Variants in CANX observed in about 807,000 individuals in gnomAD.
CANX encodes epididymis secretory sperm binding protein.
Under a neutral mutation model 75.7 loss-of-function variants are expected in CANX, and 14 were observed. That is an observed-to-expected ratio of 0.19 (90% CI 0.12 to 0.29). The LOEUF is 0.29. Ranked by LOEUF, CANX falls within the 10% of genes least tolerant of loss-of-function variation. The pLI is 1.00. For synonymous variants in CANX, 227 were observed against 236.9 expected (o/e 0.96, Z 0.38); for missense variants, 567 against 713.2 (o/e 0.79, Z 2.34).
intron 1 of CANX, chr5:179,678,908 C>G: frequency 6.5e-7 from 1 of 1,534,998 alleles, no homozygotes; most frequent in Non-Finnish European, 8.7e-7. Flanking sequence ...CCGCCCGCCG[C>G]GGAACACGAA....
chr5:179,712,188 G>A (rs887575140), intron 7 of CANX, among the ~76,000 whole-genome samples: 4 of 149,966 alleles, frequency 2.7e-5, no homozygotes, highest in Non-Finnish European at 5.9e-5. Flanking sequence ...TTGTTGTTGA[G>A]AAATGTTGAA....
Position 179,731,415 on chromosome 5 carries a change from C to T in CANX, c.*2771C>T, listed in dbSNP as rs1443479118. ...AGTATGTACACAGAATGTAGTGCTC[C>T]TAGTTACTATTTTTTCTATTAAGAA... On this transcript the variant is annotated 3_prime_UTR_variant, in exon 15 of 15. Transcript: ENST00000247461. Among the ~76,000 whole-genome samples the T allele has an allele frequency of 6.6e-6, 1 of 151,332 alleles. No homozygotes were observed. The highest frequency in any genetic ancestry group is 2.4e-5 in the African/African-American group (1 of 41,184).
At chr5:179,680,489 T>C (rs1458189677) in intron 1 of CANX, among the ~76,000 whole-genome samples, 2 of 152,118 alleles carry the variant, frequency 1.3e-5, no homozygotes, top group Non-Finnish European at 2.9e-5. Context: ...GACAGATGCG[T>C]GTATAGACCA....
intron 1 of CANX, chr5:179,679,227 C>T (rs1268285344): frequency 1.6e-5 from 24 of 1,532,768 alleles, no homozygotes; most frequent in South Asian, 3.6e-5. Flanking sequence ...CTCGGGAGCC[C>T]GGATGTCCAG....
chr5:179,692,530 A>G (rs1776316137), intron 1 of CANX, among the ~76,000 whole-genome samples: 1 of 151,372 alleles, frequency 6.6e-6, no homozygotes. Context: ...CTGTCTAATT[A>G]TTTTATTTTT....
intron 14 of CANX, 122 bp downstream of exon 14, chr5:179,726,881 T>G: frequency 1.5e-6 from 1 of 661,492 alleles, no homozygotes; most frequent in Non-Finnish European, 2.7e-6. Flanking sequence ...AAAGCCAATT[T>G]TGTTGAAGTG....
rs1204735500 is a variant in CANX at position 179,679,226 on chromosome 5, C to T, written c.-4+449C>T. 6 of 1,533,102 alleles carry T rather than the reference C, an allele frequency of 3.9e-6. No individual in the cohort carries two copies. The highest frequency in any genetic ancestry group is 5.2e-6 in the Non-Finnish European group (6 of 1,146,248). 95.0% of individuals were successfully genotyped at this position (1,533,102 alleles called of 1,614,324 possible). ...CGTGCTGCGCTCTTGTCTCGGGAGC[C>T]CGGATGTCCAGAATGATGAAGGCGA... is the stretch of plus-strand genomic sequence containing the variant. On this transcript the variant is annotated intron_variant, in intron 1 of 14. Coordinates refer to the CANX transcript ENST00000681674.
At chr5:179,712,436 G>C (rs77671133) in intron 7 of CANX, among the ~76,000 whole-genome samples, 1 of 143,780 alleles carries the variant, frequency 7.0e-6, no homozygotes, top group African/African-American at 2.6e-5. Flanking sequence ...TTTTTTTTTT[G>C]AGATGGAGTT....
In CANX at chr5:179,699,026, C is replaced by T. The variant is rs1014797163; in HGVS notation, c.-80C>T. The T allele has an allele frequency of 1.8e-6, 2 of 1,111,382 alleles. No individual in the cohort carries two copies. Among genetic ancestry groups the T allele is most frequent in the Non-Finnish European group, 2.2e-6 (2 of 903,702 alleles). The allele number at this position is 1,111,382 out of a possible 1,614,324, so 68.8% of individuals were successfully genotyped here. A position where few individuals can be genotyped will look rare whatever the true frequency, so the allele number is the denominator to read the frequency against. On this transcript the variant is annotated 5_prime_UTR_variant, in exon 1 of 15. Coordinates refer to ENST00000247461, the MANE Select transcript of CANX (RefSeq NM_001746.4). ...TGACGGTCGGGCCGCCTCCGCCTCTCTCTTTACTGCGGCGCGGGGCAAGGT... is the reference window on the plus strand; with the variant it reads ...TGACGGTCGGGCCGCCTCCGCCTCTTTCTTTACTGCGGCGCGGGGCAAGGT...
chr5:179,714,046 T>C (rs1325228728), intron 7 of CANX, among the ~76,000 whole-genome samples: 2 of 152,162 alleles, frequency 1.3e-5, no homozygotes, highest in African/African-American at 4.8e-5. Flanking sequence ...TTGCCCAGGC[T>C]GGAGTGCAGT....
chr5:179,689,973 C>A (rs1776272150), intron 1 of CANX, among the ~76,000 whole-genome samples: 1 of 152,102 alleles, frequency 6.6e-6, no homozygotes, highest in African/African-American at 2.4e-5. Flanking sequence ...GGGTGTGCTA[C>A]CGGGTCCCAA....
At position 179,723,749 on chromosome 5, in the gene CANX, C is replaced by G; in HGVS notation, c.1488C>G (p.Phe496Leu). The G allele has an allele frequency of 6.2e-7, 1 of 1,612,772 alleles. No individual in the cohort carries two copies. The change falls in exon 12 of 15, where the codon TTC becomes TTG. Residue 496 changes from phenylalanine to leucine, a missense_variant. Physicochemically the swap from Phe to Leu is conservative, Grantham distance 22. This residue lies in a region of CANX where 167 missense variants were observed against 179.3 expected (regional missense o/e 0.93). Transcript: ENST00000247461. ...VYILTVALPV[F>L]LVILFCCSGK... ...TTCTAACTGTAGCCCTTCCTGTGTTCCTGGTTATCCTCTTCTGCTGTTCTG... is the reference window on the plus strand; with the variant it reads ...TTCTAACTGTAGCCCTTCCTGTGTTGCTGGTTATCCTCTTCTGCTGTTCTG...
upstream of CANX, chr5:179,698,938 C>A (rs961908722): frequency 7.1e-6 from 8 of 1,131,184 alleles, no homozygotes; most frequent in Non-Finnish European, 7.7e-6. Flanking sequence ...CAGGGCCGGG[C>A]TTCGTGCGGT....
chr5:179,681,224 A>G (rs1431723986), intron 1 of CANX, among the ~76,000 whole-genome samples: 1 of 152,184 alleles, frequency 6.6e-6, no homozygotes, highest in African/African-American at 2.4e-5. Flanking sequence ...AGGGAAGTGA[A>G]GAACATATTC....
intron 13 of CANX, among the ~76,000 whole-genome samples, chr5:179,726,347 C>T (rs1433557553): frequency 2.0e-5 from 3 of 151,890 alleles, no homozygotes; most frequent in East Asian, 3.9e-4. Context: ...GGGAGGCCAC[C>T]GAGGAGATCA....
intron 14 of CANX, 76 bp from the exon 15 acceptor site, chr5:179,728,515 C>T (rs1170746181): frequency 2.3e-6 from 2 of 871,946 alleles, no homozygotes; most frequent in African/African-American, 1.7e-5. Context: ...CTCAGTCTGG[C>T]TGATCTTGAA....
At chr5:179,694,552 CA>C, upstream of CANX, 1 of 821,918 alleles carries the variant, frequency 1.2e-6, no homozygotes. Context: ...GGAGATGTGG[CA>C]AAAAAGCTGG....
chr5:179,719,891 G>A (rs1402154841), intron 9 of CANX, 110 bp downstream of exon 9: 11 of 639,562 alleles, frequency 1.7e-5, no homozygotes, highest in East Asian at 1.1e-4. Context: ...GCGCAGTTTC[G>A]GCTCACTGCA....
chr5:179,720,117 C>T (rs1778214972), intron 9 of CANX, among the ~76,000 whole-genome samples: 2 of 152,314 alleles, frequency 1.3e-5, no homozygotes, highest in Admixed American at 6.5e-5. Flanking sequence ...AGGCGTGAGC[C>T]ACCACACCCA....
Sources: gnomAD v4.1 joint callset for allele counts (sites outside exome capture counted in the v4.1 genomes callset) on GRCh38, gnomAD v4.1.1 for gene constraint, gnomAD v4.1.1 regional missense constraint, MANE v1.5 for transcripts, NCBI Gene and HGNC (gene_info 2026-07-23, HGNC 2026-07-21) for gene names.